TLE6: variants seen among roughly 807,000 people sequenced by gnomAD.
TLE6 encodes TLE family member 6, subcortical maternal complex member.
In TLE6, 72 loss-of-function variants were observed where a neutral mutation model predicts 77.1. The observed-to-expected ratio is 0.93, with a 90% CI of 0.77 to 1.14. TLE6 has a LOEUF of 1.14. Ranked by LOEUF, TLE6 falls within the 50% of genes most tolerant of loss-of-function variation. The pLI is 0.00. For synonymous variants in TLE6, 366 were observed against 287.3 expected (o/e 1.27, Z -2.77); for missense variants, 843 against 747.6 (o/e 1.13, Z -1.49).
At chr19:2,993,827 G>A (rs2089143135) in intron 15 of TLE6, among the ~76,000 whole-genome samples, 192 bp from the exon 16 acceptor site, 1 of 149,618 alleles carries the variant, frequency 6.7e-6, no homozygotes, top group Admixed American at 6.7e-5. Context: ...AGCCACTGGT[G>A]TCCCCATGAG....
Position 2,991,908 on chromosome 19 carries a change from G to C in TLE6, c.1310G>C (p.Gly437Ala). ...GTCAAGGGCTACAACATCTGGACTGGGGGTCCGGATGCCTGTCTGCGGTGC... is the reference window on the plus strand; with the variant it reads ...GTCAAGGGCTACAACATCTGGACTGCGGGTCCGGATGCCTGTCTGCGGTGC... ...IVVKGYNIWT[G>A]GPDACLRCWD... is the part of the protein sequence containing the mutation. The change falls in exon 14 of 17, where the codon GGG becomes GCG. Residue 437 changes from glycine (G) to alanine (A), a missense_variant. Coordinates refer to ENST00000246112, the MANE Select transcript of TLE6 (RefSeq NM_001143986.2). 1 of 1,613,752 alleles carries C rather than the reference G, an allele frequency of 6.2e-7. No individual in the cohort carries two copies. The highest frequency in any genetic ancestry group is 8.5e-7 in the Non-Finnish European group (1 of 1,179,834).
At chr19:2,994,120 A>AC in intron 16 of TLE6, 25 bp downstream of exon 16, 1 of 1,581,542 alleles carries the variant, frequency 6.3e-7, no homozygotes, top group Non-Finnish European at 8.6e-7. Flanking sequence ...TGGGGGCAGG[A>AC]CCCGGGGGTG....
At position 2,987,209 on chromosome 19, in the gene TLE6, A is replaced by G; in HGVS notation, c.512A>G (p.His171Arg). 1 of 1,614,130 alleles carries G rather than the reference A, an allele frequency of 6.2e-7. No homozygotes were observed. The highest frequency in any genetic ancestry group is 2.2e-5 in the East Asian group (1 of 44,880). ...EQLWRIFAGVHDEKAKPRDRQ... is the reference protein window; with the variant it reads ...EQLWRIFAGVRDEKAKPRDRQ... ...CTCTGGCGGATTTTTGCCGGCGTCC[A>G]CGATGAGAAGGCAAAGCCCAGAGAC... The change falls in exon 7 of 17, where the codon CAC becomes CGC. Residue 171 changes from histidine to arginine, a missense_variant. His to Arg is a conservative substitution (Grantham distance 29, BLOSUM62 0). Transcript: ENST00000246112.
At position 2,978,294 on chromosome 19, in the gene TLE6, G is replaced by A. The variant is rs1167519507; in HGVS notation, c.51+10G>A. 1.3e-6 allele frequency: 2 copies of A among 1,551,166 alleles called. No individual in the cohort carries two copies. Among genetic ancestry groups the A allele is most frequent in the Non-Finnish European group, 1.7e-6 (2 of 1,146,970 alleles). On this transcript the variant is annotated intron_variant, in intron 2 of 16. Coordinates refer to ENST00000246112, the MANE Select transcript of TLE6 (RefSeq NM_001143986.2). The stretch of plus-strand genomic sequence containing the variant: ...CCCGAAAAGCACTTCGGTGAGGAGG[G>A]CATGTGGTGGGATCAGCCCTCAAGG...
chr19:2,992,148 C>T lies in TLE6; in HGVS notation c.1386+164C>T, dbSNP rs2089082698. On this transcript the variant is annotated intron_variant, in intron 14 of 16. Coordinates refer to ENST00000246112, the MANE Select transcript of TLE6 (RefSeq NM_001143986.2). ...GTCAGGAGTTTGAGACCAGCGTGGCCAACATAGTGAAACCCCATCTCCACT... is the reference window on the plus strand; with the variant it reads ...GTCAGGAGTTTGAGACCAGCGTGGCTAACATAGTGAAACCCCATCTCCACT... 2.6e-5 allele frequency among the ~76,000 whole-genome samples: 4 copies of T among 151,918 alleles called. No homozygotes were observed. The South Asian group carries it at 8.3e-4, about 32-fold the overall frequency.
In TLE6 at chr19:2,995,055, T is replaced by TCCC; in HGVS notation, c.*51_*52insCCC. 3 of 937,038 alleles carry TCCC rather than the reference T, an allele frequency of 3.2e-6. No individual in the cohort carries two copies. Among genetic ancestry groups the TCCC allele is most frequent in the Non-Finnish European group, 4.6e-6 (3 of 652,078 alleles). 58.0% of individuals were successfully genotyped at this position (937,038 alleles called of 1,614,324 possible). On this transcript the variant is annotated 3_prime_UTR_variant, in exon 17 of 17. Coordinates refer to ENST00000246112, the MANE Select transcript of TLE6 (RefSeq NM_001143986.2). ...CCGGCTCCTCTTTTCATCCCCCCCC[T>TCCC]TCCCCCCCCCCAACAAGGGGGACAT...
At chr19:2,981,914 G>A (rs1012336174) in intron 4 of TLE6, among the ~76,000 whole-genome samples, 5 of 152,040 alleles carry the variant, frequency 3.3e-5, no homozygotes, top group East Asian at 1.9e-4. Context: ...AGAGGTTGCG[G>A]TGAACTGAGA....
In TLE6 at chr19:2,992,793, A is replaced by AACGGGGGGGGGG. The variant is rs1487334518; in HGVS notation, c.1387-639_1387-638insACGGGGGGGGGG. Among the ~76,000 whole-genome samples, 74 of 19,752 alleles carry AACGGGGGGGGGG rather than the reference A, an allele frequency of 3.7e-3. 23 individuals are homozygous for AACGGGGGGGGGG. Among genetic ancestry groups the AACGGGGGGGGGG allele is most frequent in the Non-Finnish European group, 4.2e-3 (52 of 12,370 alleles). 13.0% of individuals were successfully genotyped at this position (19,752 alleles called of 152,430 possible). A position where few individuals can be genotyped will look rare whatever the true frequency, so the allele number is the denominator to read the frequency against. ...AGACCCTGTCTCAAAAAAAAAAAAA[A>AACGGGGGGGGGG]GGGGGGGAGGCGGGTGGGGGGGGGG... On this transcript the variant is annotated intron_variant, in intron 14 of 16. Coordinates refer to ENST00000246112, the MANE Select transcript of TLE6 (RefSeq NM_001143986.2).
intron 16 of TLE6, among the ~76,000 whole-genome samples, chr19:2,994,573 G>A (rs550503105): frequency 6.6e-6 from 1 of 152,130 alleles, no homozygotes; most frequent in Admixed American, 6.6e-5. Flanking sequence ...TTGTGCCACT[G>A]CACTCCAGCC....
intron 14 of TLE6, among the ~76,000 whole-genome samples, chr19:2,992,794 G>T (rs1415778953): frequency 9.1e-5 from 1 of 11,020 alleles, no homozygotes; most frequent in African/African-American, 2.9e-4. Context: ...AAAAAAAAAA[G>T]GGGGGGAGGC....
At chr19:2,994,614 AT>A (rs1418708756) in intron 16 of TLE6, among the ~76,000 whole-genome samples, 34 of 150,480 alleles carry the variant, frequency 2.3e-4, no homozygotes, top group Admixed American at 9.9e-4. Flanking sequence ...TAAAAAAATA[AT>A]AATAATAATT....
intron 16 of TLE6, among the ~76,000 whole-genome samples, chr19:2,994,665 G>A (rs957743626): frequency 2.0e-5 from 3 of 152,238 alleles, no homozygotes; most frequent in Admixed American, 6.5e-5. Context: ...TTAGCTGAGT[G>A]TGGTGGTGCA....
At chr19:2,993,202 C>G (rs1599173771) in intron 14 of TLE6, among the ~76,000 whole-genome samples, 1 of 152,310 alleles carries the variant, frequency 6.6e-6, no homozygotes, top group East Asian at 1.9e-4. Flanking sequence ...CAGAGCGAGA[C>G]TCCGTCTCAA....
rs889817715 is a variant in TLE6 at position 2,980,083 on chromosome 19, T to G, written c.52-17T>G. 38 of 1,548,676 alleles carry G rather than the reference T, an allele frequency of 2.5e-5. No homozygotes were observed. Among genetic ancestry groups the G allele is most frequent in the Non-Finnish European group, 2.9e-5 (33 of 1,145,014 alleles). On this transcript the variant is annotated splice_polypyrimidine_tract_variant and intron_variant, in intron 2 of 16. Coordinates refer to ENST00000246112, the MANE Select transcript of TLE6 (RefSeq NM_001143986.2). The stretch of plus-strand genomic sequence containing the variant: ...GAGCATTGTAAGTTTTATGTAACCT[T>G]GCTTTGACCTTTCCAGCCTTGTCCT...
intron 5 of TLE6, among the ~76,000 whole-genome samples, chr19:2,983,724 CAG>C (rs888919877): frequency 5.9e-5 from 9 of 151,934 alleles, no homozygotes; most frequent in African/African-American, 2.2e-4. Context: ...GGGCTTCAGA[CAG>C]AGGGCAGGCC....
At chr19:2,994,406 C>G (rs2089161530) in intron 16 of TLE6, among the ~76,000 whole-genome samples, 1 of 152,108 alleles carries the variant, frequency 6.6e-6, no homozygotes, top group African/African-American at 2.4e-5. Flanking sequence ...GTCAGGAGAT[C>G]AAGACCATCC....
chr19:2,989,306 C>G lies in TLE6; in HGVS notation c.986C>G (p.Pro329Arg), dbSNP rs1599164799. The G allele has an allele frequency of 1.2e-6, 2 of 1,613,198 alleles. No individual in the cohort carries two copies. The highest frequency in any genetic ancestry group is 8.5e-7 in the Non-Finnish European group (1 of 1,180,026). ...AEDRFPESHL[P>R]IQTPGAFLRT... is the part of the protein sequence containing the mutation. ...GACAGGTTCCCTGAGAGCCACCTGC[C>G]TATACAGGTGAGGACGGCCTTGGTT... The change falls in exon 12 of 17, where the codon CCT (proline) becomes CGT (arginine). Residue 329 changes from proline (P) to arginine (R), a missense_variant. Coordinates refer to ENST00000246112, the MANE Select transcript of TLE6 (RefSeq NM_001143986.2).
Position 2,995,054 on chromosome 19 carries a change from C to CA in TLE6, c.*50_*51insA. The CA allele has an allele frequency of 9.5e-7, 1 of 1,051,834 alleles. No individual in the cohort carries two copies. The highest frequency in any genetic ancestry group is 1.4e-6 in the Non-Finnish European group (1 of 738,666). 65.2% of individuals were successfully genotyped at this position (1,051,834 alleles called of 1,614,324 possible). A position where few individuals can be genotyped will look rare whatever the true frequency, so the allele number is the denominator to read the frequency against. On this transcript the variant is annotated 3_prime_UTR_variant, in exon 17 of 17. Transcript: ENST00000246112. The stretch of plus-strand genomic sequence containing the variant: ...TCCGGCTCCTCTTTTCATCCCCCCC[C>CA]TTCCCCCCCCCCAACAAGGGGGACA...
In TLE6 at chr19:2,989,701, C is replaced by T. The variant is rs1340347613; in HGVS notation, c.1160C>T (p.Ala387Val). 1.2e-6 allele frequency: 2 copies of T among 1,614,110 alleles called. No individual in the cohort carries two copies. The highest frequency in any genetic ancestry group is 4.5e-5 in the East Asian group (2 of 44,876). ...GGTCTCAACTGCCAGGCCCTGGATG[C>T]CAACCTGGATGCCAACCTGGCCTTC... is the stretch of plus-strand genomic sequence containing the variant. ...CAGLNCQALD[A>V]NLDANLAFAS... Residue 387 changes from alanine (A) to valine (V), a missense_variant, in exon 13 of 17, where the codon GCC (alanine) becomes GTC (valine). Coordinates refer to ENST00000246112, the MANE Select transcript of TLE6 (RefSeq NM_001143986.2).
Sources: allele counts gnomAD v4.1 joint callset (sites outside exome capture counted in the v4.1 genomes callset), GRCh38; gene constraint gnomAD v4.1.1; transcripts MANE v1.5; gene names NCBI Gene and HGNC (gene_info 2026-07-23, HGNC 2026-07-21).